Variants in COL4A4 observed in about 807,000 individuals in gnomAD.
The protein encoded by COL4A4 is collagen type IV alpha 4 chain, also known as collagen alpha-4(IV) chain.
COL4A4 carries 105 observed loss-of-function variants against 192.9 expected under a neutral mutation model. That is an observed-to-expected ratio of 0.54 (90% CI 0.46 to 0.64). The LOEUF is 0.64. Ranked by LOEUF, COL4A4 falls within the 30% of genes least tolerant of loss-of-function variation. The probability of loss-of-function intolerance (pLI) is 0.00; values close to 1 mark genes in which losing one functional copy is unlikely to be tolerated. For synonymous variants in COL4A4, 762 were observed against 769.9 expected (o/e 0.99, Z 0.17); for missense variants, 1,967 against 2,169.3 (o/e 0.91, Z 1.85).
chr2:227,087,250 T>C (rs2059653640), intron 22 of COL4A4, among the ~76,000 whole-genome samples: 1 of 152,202 alleles, frequency 6.6e-6, no homozygotes. Flanking sequence ...TCTGGCATGA[T>C]ATCACGTAAA....
intron 4 of COL4A4, among the ~76,000 whole-genome samples, chr2:227,127,009 A>T (rs2062128378): frequency 6.6e-6 from 1 of 152,222 alleles, no homozygotes; most frequent in Admixed American, 6.5e-5. Flanking sequence ...ATTTTGCATC[A>T]CTAAAAAAAG....
At position 227,055,944 on chromosome 2, in the gene COL4A4, C is replaced by T; in HGVS notation, c.2716+1G>A. ...GACATCATGGAAAAAGCACTACCTA[C>T]CCTTTGGACCTGGAGGACCAGGTAG... On this transcript the variant is annotated splice_donor_variant, in intron 30 of 47. Coordinates refer to ENST00000396625, the MANE Select transcript of COL4A4 (RefSeq NM_000092.5). LOFTEE classifies it high-confidence loss of function. The T allele has an allele frequency of 1.2e-6, 2 of 1,613,632 alleles. No homozygotes were observed. The highest frequency in any genetic ancestry group is 1.7e-6 in the Non-Finnish European group (2 of 1,179,786).
intron 17 of COL4A4, among the ~76,000 whole-genome samples, chr2:227,100,331 CATA>C (rs1455755371): frequency 6.7e-6 from 1 of 149,740 alleles, no homozygotes; most frequent in Non-Finnish European, 1.5e-5. Context: ...AAATGTAGAA[CATA>C]ATAATGCTTA....
intron 20 of COL4A4, among the ~76,000 whole-genome samples, chr2:227,093,773 C>T (rs1408523510): frequency 2.6e-5 from 4 of 152,002 alleles, no homozygotes; most frequent in Non-Finnish European, 5.9e-5. Flanking sequence ...ATTGCAATTC[C>T]CCTGTCTCGA....
rs2272200 is a variant in COL4A4, at chr2:227,047,615, G to A, written c.3215-66C>T. The A allele has an allele frequency of 0.5, 516,882 of 1,030,722 alleles. 132,285 individuals are homozygous for A. Among genetic ancestry groups the A allele is most frequent in the South Asian group, 0.64 (49,304 of 77,448 alleles). The allele number at this position is 1,030,722 out of a possible 1,614,324, so 63.8% of individuals were successfully genotyped here. On this transcript the variant is annotated intron_variant, in intron 34 of 47. Coordinates refer to ENST00000396625, the MANE Select transcript of COL4A4 (RefSeq NM_000092.5). ...TTAATTTGGTCTCATACAGGTGACA[G>A]TAACGTTTATGGTATTTGTATAGCT...
chr2:227,080,266 A>C (rs1337943093), intron 24 of COL4A4, among the ~76,000 whole-genome samples, 177 bp downstream of exon 24: 1 of 152,206 alleles, frequency 6.6e-6, no homozygotes, highest in Non-Finnish European at 1.5e-5. Context: ...ATGTCCAATG[A>C]TGCTATACCT....
intron 2 of COL4A4, among the ~76,000 whole-genome samples, chr2:227,144,812 G>A (rs2063441100): frequency 1.3e-5 from 2 of 152,158 alleles, no homozygotes; most frequent in African/African-American, 2.4e-5. Context: ...TGGGGACCGT[G>A]AGGACCCTCT....
intron 47 of COL4A4, 142 bp downstream of exon 47, chr2:227,007,876 G>A: frequency 9.6e-7 from 1 of 1,037,336 alleles, no homozygotes; most frequent in Non-Finnish European, 1.4e-6. Flanking sequence ...CATCCCAACA[G>A]GCTATGGTTT....
intron 22 of COL4A4, among the ~76,000 whole-genome samples, chr2:227,084,303 T>C (rs1248841970): frequency 2.0e-5 from 3 of 152,202 alleles, no homozygotes; most frequent in Admixed American, 6.5e-5. Flanking sequence ...ACTGTTCACA[T>C]AGCATTTGGA....
In COL4A4 at chr2:227,068,980, C is replaced by G. The variant is rs1157781362; in HGVS notation, c.1988-6382G>C. 6.7e-5 allele frequency among the ~76,000 whole-genome samples: 10 copies of G among 149,438 alleles called. No individual in the cohort carries two copies. In the South Asian group the frequency reaches 2.2e-3, roughly 32 times the overall value. On this transcript the variant is annotated intron_variant, in intron 25 of 47. Coordinates refer to ENST00000396625, the MANE Select transcript of COL4A4 (RefSeq NM_000092.5). ...TATCTAGAAAACCCCATTGTCTCAG[C>G]CCAAAATCTCCTTAAGCTGATAAGT...
At chr2:227,072,382 A>AC (rs2058773512) in intron 25 of COL4A4, among the ~76,000 whole-genome samples, 1 of 152,008 alleles carries the variant, frequency 6.6e-6, no homozygotes, top group Admixed American at 6.6e-5. Context: ...CAAACCAATA[A>AC]CAAGCAGTGA....
chr2:227,002,437 T>C (rs1961222110), downstream of COL4A4, among the ~76,000 whole-genome samples: 1 of 152,200 alleles, frequency 6.6e-6, no homozygotes, highest in Non-Finnish European at 1.5e-5. Context: ...CAAGAGGGTG[T>C]AAGCCCCATG....
downstream of COL4A4, chr2:227,002,682 A>G (rs566401860): frequency 6.5e-6 from 1 of 152,812 alleles, no homozygotes; most frequent in South Asian, 2.1e-4. Flanking sequence ...TTGGCTTGAA[A>G]GAAAATAAAT....
At chr2:227,071,105 G>T (rs2058696847) in intron 25 of COL4A4, among the ~76,000 whole-genome samples, 1 of 151,852 alleles carries the variant, frequency 6.6e-6, no homozygotes, top group South Asian at 2.1e-4. Flanking sequence ...CAAAGATACG[G>T]GATGGCAAAA....
At position 227,007,561 on chromosome 2, in the gene COL4A4, C is replaced by T. The variant is rs377233046; in HGVS notation, c.4837G>A (p.Gly1613Arg). The stretch of plus-strand genomic sequence containing the variant: ...CTGCCAGGTGACATAAGGGCCTGCC[C>T]TCCTCCTTGGTCCCCAGCTCCTGTG... ...MHTGAGDQGG[G>R]QALMSPGSCL... Residue 1613 changes from glycine (G) to arginine (R), a missense_variant, in exon 48 of 48, where the codon GGG becomes AGG. By Grantham distance (125) the Gly-to-Arg change is moderately radical. Transcript: ENST00000396625. The T allele has an allele frequency of 5.6e-6, 9 of 1,612,646 alleles. No individual in the cohort carries two copies. In the African/African-American group the frequency reaches 9.3e-5, roughly 17 times the overall value.
chr2:227,022,361 T>A (rs529229503), intron 43 of COL4A4, 188 bp from the exon 44 acceptor site: 3 of 849,052 alleles, frequency 3.5e-6, no homozygotes, highest in Non-Finnish European at 6.2e-6. Context: ...CAGAAATTTG[T>A]CTTATGCCCT....
chr2:226,991,709 A>G, the COL4A4 span, among the ~76,000 whole-genome samples: 1 of 152,202 alleles, frequency 6.6e-6, no homozygotes, highest in Non-Finnish European at 1.5e-5. Context: ...TAAGGAAACT[A>G]AGACCAAGAG....
rs563996758 is a variant in COL4A4, at chr2:227,051,565, T to C, written c.2969-407A>G. Among the ~76,000 whole-genome samples the C allele has an allele frequency of 3.3e-5, 5 of 152,312 alleles. No individual in the cohort carries two copies. In the South Asian group the frequency reaches 1.0e-3, roughly 32 times the overall value. On this transcript the variant is annotated intron_variant, in intron 32 of 47. Coordinates refer to ENST00000396625, the MANE Select transcript of COL4A4 (RefSeq NM_000092.5). Reference sequence around the variant, plus strand: ...AAATCCTCGCTCTGCAATGTTTCTGTGGACCATTAGCATGGGCATTGGGGT... The same window carrying C: ...AAATCCTCGCTCTGCAATGTTTCTGCGGACCATTAGCATGGGCATTGGGGT...
chr2:226,992,183 A>G, the COL4A4 span, among the ~76,000 whole-genome samples: 1 of 152,214 alleles, frequency 6.6e-6, no homozygotes, highest in Non-Finnish European at 1.5e-5. Context: ...GGGGAAGTAG[A>G]AGACAGAGTG....
Sources: gnomAD v4.1 joint callset for allele counts (sites outside exome capture counted in the v4.1 genomes callset) on GRCh38, gnomAD v4.1.1 for gene constraint, MANE v1.5 for transcripts, NCBI Gene and HGNC (gene_info 2026-07-23, HGNC 2026-07-21) for gene names.